SNAP91: variants seen among roughly 807,000 people sequenced by gnomAD.
The protein encoded by SNAP91 is synaptosome associated protein 91, also known as clathrin coat assembly protein AP180.
A neutral mutation model predicts 100.3 loss-of-function variants in SNAP91; 27 were observed. The ratio of observed to expected loss-of-function variants is 0.27; its 90% confidence interval spans 0.20 to 0.37. The LOEUF (loss-of-function observed/expected upper bound fraction) is 0.37, where lower values mean the gene tolerates loss of function less well. SNAP91 is among the 10% of genes least tolerant of loss of function. SNAP91 has a pLI of 1.00. For missense variants in SNAP91, 986 were observed against 1,123.7 expected (o/e 0.88, Z 1.75); for synonymous variants, 404 against 398.6 (o/e 1.01, Z -0.16).
At chr6:83,680,407 C>T (rs1167517190) in intron 2 of SNAP91, among the ~76,000 whole-genome samples, 1 of 152,132 alleles carries the variant, frequency 6.6e-6, no homozygotes, top group Non-Finnish European at 1.5e-5. Context: ...TGTCACATTC[C>T]ATCGAAAACT....
chr6:83,635,065 T>C (rs1231386295), intron 8 of SNAP91, among the ~76,000 whole-genome samples: 1 of 152,208 alleles, frequency 6.6e-6, no homozygotes, highest in African/African-American at 2.4e-5. Flanking sequence ...GAGCATGTGG[T>C]GGATCTTAGA....
intron 24 of SNAP91, among the ~76,000 whole-genome samples, chr6:83,576,393 T>C (rs1277270872): frequency 1.3e-5 from 2 of 152,176 alleles, no homozygotes; most frequent in Non-Finnish European, 2.9e-5. Flanking sequence ...TTGCCCTAAA[T>C]GATAAAAGTG....
chr6:83,576,188 C>T, intron 24 of SNAP91, 135 bp from the exon 25 acceptor site: 2 of 492,102 alleles, frequency 4.1e-6, no homozygotes, highest in East Asian at 7.1e-5. Flanking sequence ...TTCAGTTATA[C>T]AGAAAAGAAA....
At chr6:83,570,660 G>C (rs1805608686) in intron 26 of SNAP91, among the ~76,000 whole-genome samples, 1 of 152,164 alleles carries the variant, frequency 6.6e-6, no homozygotes, top group Non-Finnish European at 1.5e-5. Flanking sequence ...TGACTCAAAG[G>C]GGCCAAGGGA....
Position 83,582,303 on chromosome 6 carries a change from T to A in SNAP91, c.2068A>T (p.Asn690Tyr), listed in dbSNP as rs752398203. 1 of 1,613,716 alleles carries A rather than the reference T, an allele frequency of 6.2e-7. No homozygotes were observed. The highest frequency in any genetic ancestry group is 1.7e-5 in the Admixed American group (1 of 59,990). The change falls in exon 23 of 30, where the codon AAT becomes TAT. Residue 690 changes from asparagine (N) to tyrosine (Y), a missense_variant. Asn to Tyr is a moderately radical substitution (Grantham distance 143). This residue lies in a region of SNAP91 where 575 missense variants were observed against 579.9 expected (regional missense o/e 0.99). Transcript: ENST00000369694. ...TCAAAATTGGGCTGTAGCAGGTTAT[T>A]CTGAGCTGGAGTCACTGGAGATGGG... ...PSPSPVTPAQ[N>Y]NLLQPNFEAA...
At chr6:83,559,098 T>G (rs535869226) in intron 28 of SNAP91, among the ~76,000 whole-genome samples, 3 of 152,308 alleles carry the variant, frequency 2.0e-5, no homozygotes, top group African/African-American at 4.8e-5. Flanking sequence ...GATAGGCATG[T>G]CTTTGTTATT....
chr6:83,692,570 A>G (rs1407269822), intron 2 of SNAP91, among the ~76,000 whole-genome samples: 1 of 152,130 alleles, frequency 6.6e-6, no homozygotes, highest in Non-Finnish European at 1.5e-5. Context: ...GCCTTATAAA[A>G]GAGGAGATTG....
chr6:83,621,891 G>A (rs989424032), intron 9 of SNAP91, among the ~76,000 whole-genome samples: 1 of 151,900 alleles, frequency 6.6e-6, no homozygotes, highest in Non-Finnish European at 1.5e-5. Context: ...ATATTTTAAT[G>A]TCTTAAAAGT....
At chr6:83,634,919 G>A (rs538504507) in intron 8 of SNAP91, among the ~76,000 whole-genome samples, 1 of 152,330 alleles carries the variant, frequency 6.6e-6, no homozygotes, top group Non-Finnish European at 1.5e-5. Context: ...TCAGGAACAA[G>A]TTGTTCAGTT....
intron 29 of SNAP91, among the ~76,000 whole-genome samples, chr6:83,555,388 C>T (rs769580224): frequency 7.9e-5 from 12 of 152,114 alleles, no homozygotes; most frequent in Non-Finnish European, 1.8e-4. Context: ...TGGGCAAATT[C>T]CTTAATGCCC....
At chr6:83,604,309 T>TTAA (rs2095477679) in intron 14 of SNAP91, among the ~76,000 whole-genome samples, 1 of 151,146 alleles carries the variant, frequency 6.6e-6, no homozygotes. Flanking sequence ...CCAATAGAAA[T>TTAA]TTAATAAAGT....
intron 2 of SNAP91, among the ~76,000 whole-genome samples, chr6:83,675,309 ATTTAC>A (rs1347198024): frequency 6.6e-6 from 1 of 152,198 alleles, no homozygotes; most frequent in African/African-American, 2.4e-5. Context: ...AAAATACATT[ATTTAC>A]TTTAGTTGAT....
In SNAP91 at chr6:83,601,263, T is replaced by C; in HGVS notation, c.1324+8A>G. 1 of 1,612,974 alleles carries C rather than the reference T, an allele frequency of 6.2e-7. No individual in the cohort carries two copies. The highest frequency in any genetic ancestry group is 1.1e-5 in the South Asian group (1 of 90,964). ...GAAAAAATGAAAGTAGCAGCGAGAC[T>C]AACTAACCTCCAAAGAGATCCACTT... On this transcript the variant is annotated splice_region_variant and intron_variant, in intron 16 of 29. Coordinates refer to ENST00000369694, the MANE Select transcript of SNAP91 (RefSeq NM_001242792.2).
intron 13 of SNAP91, among the ~76,000 whole-genome samples, chr6:83,607,222 T>C (rs535334268): frequency 6.6e-6 from 1 of 152,196 alleles, no homozygotes; most frequent in East Asian, 1.9e-4. Flanking sequence ...TTCTGATCTG[T>C]AGGTTCTATA....
intron 17 of SNAP91, 106 bp downstream of exon 17, chr6:83,594,268 A>C: frequency 3.7e-6 from 3 of 811,380 alleles, no homozygotes; most frequent in Non-Finnish European, 6.2e-6. Flanking sequence ...ATGATACTTT[A>C]CACTCAGAAG....
rs79540597 is a variant in SNAP91 at position 83,650,780 on chromosome 6, A to C, written c.658+5974T>G. Among the ~76,000 whole-genome samples, 388 of 152,296 alleles carry C rather than the reference A, an allele frequency of 2.5e-3. 7 individuals carry two copies. In the East Asian group the frequency reaches 0.026, roughly 10 times the overall value. On this transcript the variant is annotated intron_variant, in intron 7 of 29. Transcript: ENST00000369694. ...AAGGTAATGCTGGCCTCATAAAAGG[A>C]GTTAAGAAGAATCTTCTCTATTTCT... is the stretch of plus-strand genomic sequence containing the variant.
At position 83,662,431 on chromosome 6, in the gene SNAP91, C is replaced by T; in HGVS notation, c.274-9G>A. On this transcript the variant is annotated splice_polypyrimidine_tract_variant and intron_variant, in intron 3 of 29. Transcript: ENST00000369694. Reference sequence around the variant, plus strand: ...AAATATTGAATAAATCTCTGAAAAACAAAAATTAGAATTAAACACACATTT... The same window carrying T: ...AAATATTGAATAAATCTCTGAAAAATAAAAATTAGAATTAAACACACATTT... 4.4e-6 allele frequency: 5 copies of T among 1,139,734 alleles called. No homozygotes were observed. Among genetic ancestry groups the T allele is most frequent in the Non-Finnish European group, 6.0e-6 (5 of 833,620 alleles). The allele number at this position is 1,139,734 out of a possible 1,614,324, so 70.6% of individuals were successfully genotyped here.
chr6:83,695,300 A>G (rs923075437), intron 2 of SNAP91, among the ~76,000 whole-genome samples: 14 of 136,946 alleles, frequency 1.0e-4, no homozygotes, highest in Non-Finnish European at 2.1e-4. Flanking sequence ...AAAAAAAAAA[A>G]GAGAAAAGAA....
At chr6:83,641,250 A>G in intron 7 of SNAP91, 48 bp from the exon 8 acceptor site, 1 of 818,146 alleles carries the variant, frequency 1.2e-6, no homozygotes, top group Admixed American at 3.7e-5. Context: ...ATTATGTTCT[A>G]TTTTTTTCTA....
Sources: allele counts gnomAD v4.1 joint callset (sites outside exome capture counted in the v4.1 genomes callset), GRCh38; gene constraint gnomAD v4.1.1; regional missense constraint gnomAD v4.1.1; transcripts MANE v1.5; gene names NCBI Gene and HGNC (gene_info 2026-07-23, HGNC 2026-07-21).